The following MACROD2 variants were observed in gnomAD, a reference collection of about 807,000 sequenced individuals.
MACROD2 encodes the protein mono-ADP ribosylhydrolase 2.
Under a neutral mutation model 70.4 loss-of-function variants are expected in MACROD2, and 36 were observed. That is an observed-to-expected ratio of 0.51 (90% CI 0.39 to 0.68). The LOEUF (loss-of-function observed/expected upper bound fraction) is 0.68, where lower values mean the gene tolerates loss of function less well. Ranked by LOEUF, MACROD2 falls within the 30% of genes least tolerant of loss-of-function variation. MACROD2 has a pLI of 0.00. For synonymous variants in MACROD2, 172 were observed against 178.8 expected, an observed-to-expected ratio of 0.96 and a Z score of 0.30; for missense variants, 496 against 538.4, an observed-to-expected ratio of 0.92 and a Z score of 0.78.
intron 3 of MACROD2, among the ~76,000 whole-genome samples, chr20:14,289,523 G>A (rs1013066279): frequency 1.2e-4 from 19 of 152,082 alleles, no homozygotes; most frequent in African/African-American, 4.1e-4. Context: ...TTGATTCAAT[G>A]CTTCTCATAG....
chr20:14,927,063 A>C (rs912301020), intron 5 of MACROD2, among the ~76,000 whole-genome samples: 1 of 152,174 alleles, frequency 6.6e-6, no homozygotes, highest in African/African-American at 2.4e-5. Flanking sequence ...TGTCAGTCAT[A>C]CAACTTAAAT....
At chr20:15,766,711 G>A (rs1022653447) in intron 8 of MACROD2, among the ~76,000 whole-genome samples, 20 of 152,284 alleles carry the variant, frequency 1.3e-4, no homozygotes, top group Middle Eastern at 3.4e-3. Context: ...GATCGATGGC[G>A]ATGATGTGGA....
chr20:14,326,161 A>G lies in MACROD2; in HGVS notation c.272-167318A>G, dbSNP rs1245067468. 2 of 1,613,752 alleles carry G rather than the reference A, an allele frequency of 1.2e-6. No individual in the cohort carries two copies. The highest frequency in any genetic ancestry group is 2.7e-5 in the African/African-American group (2 of 74,902). On this transcript the variant is annotated intron_variant, in intron 3 of 17. Coordinates refer to ENST00000684519, the MANE Select transcript of MACROD2 (RefSeq NM_001351661.2). This position sits in a 1 kb window ranked among gnomAD's most constrained non-coding sequence, Gnocchi z 5.5. ...TACAATTGTTTCTGTTATAGATCCA[A>G]ATGCCGGGCTATGGCCCAGTTTAAG...
At chr20:15,228,731 G>A (rs1439610647) in intron 5 of MACROD2, among the ~76,000 whole-genome samples, 5 of 151,640 alleles carry the variant, frequency 3.3e-5, no homozygotes, top group East Asian at 3.9e-4. Context: ...CTCATGATCC[G>A]CCCACCTCAG....
At chr20:14,585,358 C>A (rs555557184) in intron 4 of MACROD2, among the ~76,000 whole-genome samples, 34 of 150,062 alleles carry the variant, frequency 2.3e-4, no homozygotes, top group Middle Eastern at 3.4e-3. Flanking sequence ...CCAACATAAC[C>A]CCATTTCCGA....
intron 9 of MACROD2, among the ~76,000 whole-genome samples, chr20:15,878,080 C>T (rs1208151589): frequency 2.0e-5 from 3 of 152,054 alleles, no homozygotes; most frequent in Non-Finnish European, 2.9e-5. Context: ...TCCATTCATG[C>T]TCATGTCTCC....
chr20:15,124,350 G>GTTTT (rs10661683), intron 5 of MACROD2, among the ~76,000 whole-genome samples: 74 of 144,274 alleles, frequency 5.1e-4, no homozygotes, highest in African/African-American at 1.7e-3. Flanking sequence ...TAATTTCCTA[G>GTTTT]TTTTTTTTTT....
intron 5 of MACROD2, among the ~76,000 whole-genome samples, chr20:15,209,766 A>G (rs951976492): frequency 6.6e-6 from 1 of 152,184 alleles, no homozygotes; most frequent in Non-Finnish European, 1.5e-5. Context: ...CAACTTTTAC[A>G]TATTGATGAA....
chr20:14,169,309 T>TG (rs373105848), intron 3 of MACROD2, among the ~76,000 whole-genome samples: 2,382 of 149,606 alleles, frequency 0.016, 41 homozygotes, highest in African/African-American at 0.035. Flanking sequence ...TACTTTTTTT[T>TG]GGGGGGGGGC....
At chr20:14,981,766 C>G (rs911892877) in intron 5 of MACROD2, among the ~76,000 whole-genome samples, 1 of 152,088 alleles carries the variant, frequency 6.6e-6, no homozygotes, top group African/African-American at 2.4e-5. Flanking sequence ...ATCCAATAAA[C>G]CTCTTTCTTT....
chr20:15,611,898 G>T (rs1320862238), intron 8 of MACROD2, among the ~76,000 whole-genome samples: 4 of 146,886 alleles, frequency 2.7e-5, no homozygotes, highest in Non-Finnish European at 6.0e-5. Flanking sequence ...ACATGCATTT[G>T]TGTGTATGTC....
chr20:14,472,067 C>T (rs2084537230), intron 3 of MACROD2, among the ~76,000 whole-genome samples: 1 of 152,096 alleles, frequency 6.6e-6, no homozygotes, highest in South Asian at 2.1e-4. Context: ...TCTTAATTAG[C>T]ATTCAGGGGA....
intron 6 of MACROD2, among the ~76,000 whole-genome samples, chr20:15,301,081 A>G (rs1214941123): frequency 6.6e-6 from 1 of 152,202 alleles, no homozygotes; most frequent in African/African-American, 2.4e-5. Flanking sequence ...CAGAGGAAGG[A>G]CAGCGAGCAA....
intron 6 of MACROD2, among the ~76,000 whole-genome samples, chr20:15,328,793 G>A (rs941967813): frequency 1.3e-5 from 2 of 151,648 alleles, no homozygotes; most frequent in Non-Finnish European, 2.9e-5. Context: ...CTTTTTCTTT[G>A]ACATAACAAT....
chr20:15,358,242 G>A (rs1215336719), intron 6 of MACROD2, among the ~76,000 whole-genome samples: 1 of 152,144 alleles, frequency 6.6e-6, no homozygotes, highest in East Asian at 1.9e-4. Context: ...GGAGAGATAA[G>A]TAGTATATTT....
Position 16,035,064 on chromosome 20 carries a change from TATATATAAAA to T in MACROD2, c.1154-6136_1154-6127del, listed in dbSNP as rs1372810914. ...AAATATAATATAGAATATAAAATATTATATATAAAATATAATATGTAATATAAAATATTAT... is the reference window on the plus strand; with the variant it reads ...AAATATAATATAGAATATAAAATATTTATAATATGTAATATAAAATATTAT... On this transcript the variant is annotated intron_variant, in intron 15 of 17. Coordinates refer to ENST00000684519, the MANE Select transcript of MACROD2 (RefSeq NM_001351661.2). Among the ~76,000 whole-genome samples, 37 of 47,986 alleles carry T rather than the reference TATATATAAAA, an allele frequency of 7.7e-4. 1 individual carries two copies. Among genetic ancestry groups the T allele is most frequent in the African/African-American group, 1.8e-3 (34 of 19,102 alleles). The allele number at this position is 47,986 out of a possible 152,430, so 31.5% of individuals were successfully genotyped here. A position where few individuals can be genotyped will look rare whatever the true frequency, so the allele number is the denominator to read the frequency against.
intron 4 of MACROD2, among the ~76,000 whole-genome samples, chr20:14,557,055 C>T (rs1979081648): frequency 6.6e-6 from 1 of 151,796 alleles, no homozygotes. Flanking sequence ...AATTAAGAGT[C>T]CAGAAATAAA....
intron 3 of MACROD2, among the ~76,000 whole-genome samples, chr20:14,366,937 G>T (rs2083278451): frequency 6.6e-6 from 1 of 152,000 alleles, no homozygotes; most frequent in Non-Finnish European, 1.5e-5. Flanking sequence ...CTGCCATTTT[G>T]CTATTTGTTT....
At chr20:14,451,097 C>T (rs1475928605) in intron 3 of MACROD2, among the ~76,000 whole-genome samples, 2 of 151,948 alleles carry the variant, frequency 1.3e-5, no homozygotes, top group Non-Finnish European at 2.9e-5. Flanking sequence ...CCAGGAAGCA[C>T]TGGTAGAGGC....
Sources: allele counts gnomAD v4.1 joint callset (sites outside exome capture counted in the v4.1 genomes callset), GRCh38; gene constraint gnomAD v4.1.1; non-coding constraint Gnocchi (gnomAD v3.1); transcripts MANE v1.5; gene names NCBI Gene and HGNC (gene_info 2026-07-23, HGNC 2026-07-21).